EYS: variants seen among roughly 807,000 people sequenced by gnomAD.
EYS encodes the protein EGF-like photoreceptor maintenance factor, also known as protein eyes shut homolog.
In EYS, 250 loss-of-function variants were observed where a neutral mutation model predicts 282.1. The observed-to-expected ratio is 0.89, with a 90% CI of 0.80 to 0.98. The LOEUF is 0.98. EYS is among the 50% of genes least tolerant of loss of function. The probability of loss-of-function intolerance (pLI) is 0.00; values close to 1 mark genes in which losing one functional copy is unlikely to be tolerated. For missense variants in EYS, 4,016 were observed against 3,709.0 expected (o/e 1.08, Z -2.15); for synonymous variants, 1,355 against 1,282.9 (o/e 1.06, Z -1.20).
Position 64,761,001 on chromosome 6 carries a change from A to G in EYS, c.3443+52377T>C, listed in dbSNP as rs143126585. 2.0e-5 allele frequency among the ~76,000 whole-genome samples: 3 copies of G among 152,346 alleles called. No homozygotes were observed. The East Asian group carries it at 5.8e-4, about 29-fold the overall frequency. On this transcript the variant is annotated intron_variant, in intron 22 of 42. Coordinates refer to ENST00000503581, the MANE Select transcript of EYS (RefSeq NM_001142800.2). The stretch of plus-strand genomic sequence containing the variant: ...GTTTTTTGATAACTTTTACTAAAAA[A>G]ATTGCTTTAAATGACAAAGAAGTGA...
At chr6:65,533,765 T>C (rs1343604968) in intron 2 of EYS, among the ~76,000 whole-genome samples, 2 of 152,178 alleles carry the variant, frequency 1.3e-5, no homozygotes, top group Non-Finnish European at 2.9e-5. Context: ...CACCTTGATC[T>C]TGAATTTCTC....
intron 31 of EYS, among the ~76,000 whole-genome samples, chr6:64,101,702 G>T (rs555201509): frequency 2.0e-5 from 3 of 152,100 alleles, no homozygotes; most frequent in African/African-American, 7.2e-5. Context: ...CAAAGACTGG[G>T]GTGGGATGGG....
intron 36 of EYS, among the ~76,000 whole-genome samples, chr6:63,809,890 A>G (rs1000191405): frequency 6.6e-6 from 1 of 152,100 alleles, no homozygotes; most frequent in African/African-American, 2.4e-5. Context: ...CTCATTCCCA[A>G]TATGGCCGAG....
At chr6:65,086,785 T>C (rs1223065578) in intron 12 of EYS, among the ~76,000 whole-genome samples, 1 of 152,018 alleles carries the variant, frequency 6.6e-6, no homozygotes, top group Non-Finnish European at 1.5e-5. Flanking sequence ...TATATATGTG[T>C]GTGGTGGTGT....
chr6:64,094,613 A>AT (rs1176681254), intron 31 of EYS, among the ~76,000 whole-genome samples: 3 of 151,890 alleles, frequency 2.0e-5, no homozygotes, highest in Admixed American at 6.6e-5. Context: ...CCCCTTTATC[A>AT]TTTTTTTATT....
intron 11 of EYS, among the ~76,000 whole-genome samples, chr6:65,316,385 T>C (rs12197428): frequency 0.015 from 2,229 of 152,116 alleles, 19 homozygotes; most frequent in Non-Finnish European, 0.023. Flanking sequence ...TTATTTTCTC[T>C]TTCACACTTT....
chr6:64,612,009 A>G (rs1044914448), intron 24 of EYS, among the ~76,000 whole-genome samples: 1 of 152,152 alleles, frequency 6.6e-6, no homozygotes, highest in East Asian at 1.9e-4. Flanking sequence ...AATAATATTG[A>G]TGACTTTATC....
At chr6:63,792,180 G>T (rs1476241314) in intron 37 of EYS, among the ~76,000 whole-genome samples, 7 of 151,718 alleles carry the variant, frequency 4.6e-5, no homozygotes, top group Non-Finnish European at 1.0e-4. Context: ...CAGGGCAAAG[G>T]ACTGGGGATG....
chr6:63,963,081 G>A (rs1375039349), intron 35 of EYS, among the ~76,000 whole-genome samples: 1 of 149,694 alleles, frequency 6.7e-6, no homozygotes, highest in Non-Finnish European at 1.5e-5. Context: ...GACACAGGAA[G>A]GGGAACATCA....
chr6:64,282,045 C>A (rs2150361957), intron 30 of EYS, among the ~76,000 whole-genome samples: 1 of 152,152 alleles, frequency 6.6e-6, no homozygotes, highest in African/African-American at 2.4e-5. Context: ...GAGGCTCTAA[C>A]TGAAAGTGTC....
Position 63,806,370 on chromosome 6 carries a change from T to A in EYS, c.7231A>T (p.Ile2411Phe). 1 of 1,532,818 alleles carries A rather than the reference T, an allele frequency of 6.5e-7. No homozygotes were observed. The highest frequency in any genetic ancestry group is 1.2e-5 in the South Asian group (1 of 82,016). The allele number at this position is 1,532,818 out of a possible 1,614,324, so 95.0% of individuals were successfully genotyped here. Reference protein sequence around the residue: ...GRSGPLCTDAINITQPRFSGT... With the variant: ...GRSGPLCTDAFNITQPRFSGT... The stretch of plus-strand genomic sequence containing the variant: ...CTGAACCTTGGCTGAGTAATATTAA[T>A]AGCTGTGAAAAAACCCAAACCAAAC... The change falls in exon 37 of 43, where the codon ATT becomes TTT. Residue 2411 changes from isoleucine to phenylalanine, a missense_variant and splice_region_variant. Ile to Phe is a conservative substitution (Grantham distance 21). Transcript: ENST00000503581.
At chr6:65,498,154 G>A (rs1212397187) in intron 2 of EYS, among the ~76,000 whole-genome samples, 1 of 151,954 alleles carries the variant, frequency 6.6e-6, no homozygotes, top group African/African-American at 2.4e-5. Context: ...CAAGGAAGAG[G>A]GGAGAAGTCT....
intron 5 of EYS, among the ~76,000 whole-genome samples, chr6:65,406,496 T>C (rs1401177027): frequency 2.0e-5 from 3 of 152,116 alleles, no homozygotes; most frequent in African/African-American, 7.2e-5. Context: ...TGTCTAATAA[T>C]ATTTTGCCTA....
intron 35 of EYS, among the ~76,000 whole-genome samples, chr6:63,963,131 C>CGGGA (rs1766153952): frequency 3.2e-5 from 1 of 31,500 alleles, no homozygotes; most frequent in African/African-American, 1.2e-4. Flanking sequence ...AAGGGGGAGG[C>CGGGA]GGGAGGGAGG....
intron 35 of EYS, among the ~76,000 whole-genome samples, chr6:63,865,066 C>A (rs929339912): frequency 3.3e-5 from 5 of 152,236 alleles, no homozygotes; most frequent in African/African-American, 1.2e-4. Context: ...CACCCCTCCA[C>A]CATTCTCAGC....
chr6:65,302,373 T>G (rs1768867786), intron 11 of EYS: 1 of 684,330 alleles, frequency 1.5e-6, no homozygotes, highest in Admixed American at 2.4e-5. Context: ...AGCAATCAGC[T>G]AATGATTACA....
rs900092169 is a variant in EYS at position 64,323,361 on chromosome 6, C to T, written c.6079-16279G>A. Among the ~76,000 whole-genome samples, 4 of 152,056 alleles carry T rather than the reference C, an allele frequency of 2.6e-5. No homozygotes were observed. The South Asian group carries it at 6.2e-4, about 24-fold the overall frequency. ...TGTAACATGTATCAGTATTTCACCC[C>T]TTTTAATTGCCGAATAACATTCCAT... On this transcript the variant is annotated intron_variant, in intron 29 of 42. Transcript: ENST00000503581.
intron 33 of EYS, among the ~76,000 whole-genome samples, chr6:64,004,412 C>T (rs1030869283): frequency 2.0e-5 from 3 of 151,778 alleles, no homozygotes; most frequent in African/African-American, 4.8e-5. Context: ...AATTCAGTTT[C>T]CACTCTTTAA....
chr6:64,142,034 A>G (rs1293173101), intron 31 of EYS, among the ~76,000 whole-genome samples: 10 of 152,056 alleles, frequency 6.6e-5, no homozygotes. Context: ...TTCATCAGCT[A>G]ATACTGGCCT....
Sources: gnomAD v4.1 joint callset for allele counts (sites outside exome capture counted in the v4.1 genomes callset) on GRCh38, gnomAD v4.1.1 for gene constraint, MANE v1.5 for transcripts, NCBI Gene and HGNC (gene_info 2026-07-23, HGNC 2026-07-21) for gene names.